Variants in C10orf67 observed in about 807,000 individuals in gnomAD.
C10orf67 encodes the protein chromosome 10 open reading frame 67.
C10orf67 carries 60 observed loss-of-function variants against 35.6 expected under a neutral mutation model. The ratio of observed to expected loss-of-function variants is 1.68; its 90% CI spans 1.37 to 2.09. The LOEUF (loss-of-function observed/expected upper bound fraction) is 2.09. C10orf67 is among the 30% of genes most tolerant of loss of function. The pLI, the probability that C10orf67 is intolerant of heterozygous loss-of-function variation, is 0.00. For missense variants in C10orf67, 474 were observed against 330.2 expected, an observed-to-expected ratio of 1.44 and a Z score of -3.38; for synonymous variants, 167 against 115.8, an observed-to-expected ratio of 1.44 and a Z score of -2.84.
intron 1 of C10orf67, among the ~76,000 whole-genome samples, chr10:23,336,515 T>C (rs1845687107): frequency 6.6e-6 from 1 of 152,170 alleles, no homozygotes; most frequent in South Asian, 2.1e-4. Context: ...TTCTCCTTTT[T>C]GTTTCAGTAT....
At position 23,329,268 on chromosome 10, in the gene C10orf67, A is replaced by T. The variant is rs115951353; in HGVS notation, c.327+3794T>A. On this transcript the variant is annotated intron_variant, in intron 2 of 15. Transcript: ENST00000636213. Reference sequence around the variant, plus strand: ...CATTTAAAAAGGAATATAACTACAGATACAATACTTAAAAATAATAAAAGA... The same window carrying T: ...CATTTAAAAAGGAATATAACTACAGTTACAATACTTAAAAATAATAAAAGA... Among the ~76,000 whole-genome samples the T allele has an allele frequency of 6.4e-3, 981 of 152,130 alleles. 2 individuals are homozygous for T. Among genetic ancestry groups the T allele is most frequent in the African/African-American group, 0.022 (917 of 41,560 alleles).
At chr10:23,224,429 A>G (rs1319925359) in intron 13 of C10orf67, among the ~76,000 whole-genome samples, 3 of 152,236 alleles carry the variant, frequency 2.0e-5, no homozygotes, top group South Asian at 2.1e-4. Flanking sequence ...GGATGGGGAA[A>G]AAACAGAGCA....
At chr10:23,340,174 T>C (rs1383416397) in intron 1 of C10orf67, among the ~76,000 whole-genome samples, 1 of 152,058 alleles carries the variant, frequency 6.6e-6, no homozygotes, top group Non-Finnish European at 1.5e-5. Flanking sequence ...TTTTCAGGTA[T>C]TCCTTCTGGT....
intron 10 of C10orf67, among the ~76,000 whole-genome samples, chr10:23,255,952 C>T (rs1842588888): frequency 6.6e-6 from 1 of 152,122 alleles, no homozygotes; most frequent in Non-Finnish European, 1.5e-5. Context: ...AAATTTTCTT[C>T]TTTTGGCATT....
rs927015232 is a variant in C10orf67, at chr10:23,317,285, C to G, written c.546+3456G>C. ...CTTTGCTTCAAAATCAGAGTGGGTG[C>G]CAGGAGTGAGGAGAGGCCAGGCAGC... On this transcript the variant is annotated intron_variant, in intron 4 of 15. Transcript: ENST00000636213. 3.9e-5 allele frequency: 6 copies of G among 152,478 alleles called. No individual in the cohort carries two copies. In the East Asian group the frequency reaches 9.6e-4, roughly 24 times the overall value. The allele number at this position is 152,478 out of a possible 1,614,324, so 9.4% of individuals were successfully genotyped here. A position where few individuals can be genotyped will look rare whatever the true frequency, so the allele number is the denominator to read the frequency against.
intron 2 of C10orf67, among the ~76,000 whole-genome samples, chr10:23,332,249 G>A (rs1211494197): frequency 2.0e-5 from 3 of 152,302 alleles, no homozygotes; most frequent in African/African-American, 7.2e-5. Context: ...AATATAGAAC[G>A]ACTTCCAAGT....
intron 4 of C10orf67, among the ~76,000 whole-genome samples, chr10:23,315,789 A>T (rs1199147871): frequency 6.6e-6 from 1 of 151,808 alleles, no homozygotes; most frequent in Non-Finnish European, 1.5e-5. Flanking sequence ...TATAAACAAG[A>T]ATAATACCGG....
chr10:23,209,982 A>G (rs193190652), intron 15 of C10orf67, among the ~76,000 whole-genome samples: 170 of 143,508 alleles, frequency 1.2e-3, no homozygotes, highest in Non-Finnish European at 2.1e-3. Flanking sequence ...CTTGGGCAAT[A>G]GAGCCAGACC....
At chr10:23,289,063 G>A (rs1229290579) in intron 7 of C10orf67, among the ~76,000 whole-genome samples, 4 of 152,164 alleles carry the variant, frequency 2.6e-5, no homozygotes, top group African/African-American at 4.8e-5. Flanking sequence ...TGAGAACAGA[G>A]TAGGGAAGCC....
intron 5 of C10orf67, among the ~76,000 whole-genome samples, chr10:23,291,807 T>C (rs935574340): frequency 1.3e-5 from 2 of 152,158 alleles, no homozygotes; most frequent in Non-Finnish European, 2.9e-5. Context: ...GGGAGCCGCA[T>C]GGAGTCCATC....
chr10:23,267,237 C>T lies in C10orf67; in HGVS notation c.993G>A (p.Glu331=), dbSNP rs1050354865. Residue 331 remains glutamate, a synonymous_variant, in exon 9 of 16, where the codon GAG becomes GAA. Transcript: ENST00000636213. ...LVQDVINKQK[E]DKEMRKKYGS... is the part of the protein sequence containing the mutation. The stretch of plus-strand genomic sequence containing the variant: ...CATACTTTTTTCTCATTTCCTTGTC[C>T]TCTTTCTGTTTATTAATCTGTAAAA... The T allele has an allele frequency of 5.6e-6, 4 of 715,780 alleles. No individual in the cohort carries two copies. The highest frequency in any genetic ancestry group is 1.0e-5 in the Non-Finnish European group (4 of 384,652). The allele number at this position is 715,780 out of a possible 1,614,324, so 44.3% of individuals were successfully genotyped here.
chr10:23,203,699 C>A lies in C10orf67; in HGVS notation c.*474G>T, dbSNP rs996421695. On this transcript the variant is annotated 3_prime_UTR_variant, in exon 16 of 16. Coordinates refer to ENST00000636213, the MANE Select transcript of C10orf67 (RefSeq NM_001371909.1). The stretch of plus-strand genomic sequence containing the variant: ...GTGCCGGGGTAAGATAAGAATGAAT[C>A]TTGCTTGAGGAAATGTACGATCTCC... 1 of 152,544 alleles carries A rather than the reference C, an allele frequency of 6.6e-6. No individual in the cohort carries two copies. Among genetic ancestry groups the A allele is most frequent in the Admixed American group, 6.5e-5 (1 of 15,306 alleles). The allele number at this position is 152,544 out of a possible 1,614,324, so 9.4% of individuals were successfully genotyped here.
intron 8 of C10orf67, among the ~76,000 whole-genome samples, chr10:23,276,730 G>A (rs899906430): frequency 6.6e-6 from 1 of 152,054 alleles, no homozygotes; most frequent in Admixed American, 6.6e-5. Context: ...TATTGCCCAT[G>A]GTGAGCAGTT....
chr10:23,203,573 C>G lies in C10orf67; in HGVS notation c.*600G>C, dbSNP rs574492325. 8 of 152,140 alleles carry G rather than the reference C, an allele frequency of 5.3e-5. No individual in the cohort carries two copies. Among genetic ancestry groups the G allele is most frequent in the African/African-American group, 1.9e-4 (8 of 41,416 alleles). The allele number at this position is 152,140 out of a possible 1,614,324, so 9.4% of individuals were successfully genotyped here. A position where few individuals can be genotyped will look rare whatever the true frequency, so the allele number is the denominator to read the frequency against. On this transcript the variant is annotated 3_prime_UTR_variant, in exon 16 of 16. Coordinates refer to ENST00000636213, the MANE Select transcript of C10orf67 (RefSeq NM_001371909.1). ...TGGTAAACGGTGTCTGGCATTCCAG[C>G]AGAATCTTGGTTTGCATCCTTACCA...
rs1841097749 is a variant in C10orf67, at chr10:23,204,254, C to T, written c.1572G>A (p.Gly524=). ...DQAALQLSPK[G]KLSESPKEES... ...CTTCTTTTGGGGATTCCGACAACTT[C>T]CCTAAACGTGAAGAAAGGTGGACAG... The change falls in exon 16 of 16, where the codon GGG becomes GGA. Residue 524 remains glycine, a splice_region_variant and synonymous_variant. Transcript: ENST00000636213. 1 of 641,806 alleles carries T rather than the reference C, an allele frequency of 1.6e-6. No homozygotes were observed. Among genetic ancestry groups the T allele is most frequent in the African/African-American group, 1.9e-5 (1 of 53,866 alleles). 39.8% of individuals were successfully genotyped at this position (641,806 alleles called of 1,614,324 possible).
chr10:23,291,379 C>T, intron 5 of C10orf67, 100 bp from the exon 6 acceptor site: 1 of 608,846 alleles, frequency 1.6e-6, no homozygotes, highest in East Asian at 2.7e-5. Flanking sequence ...ATATAATTTT[C>T]TGAATTCTAT....
intron 8 of C10orf67, among the ~76,000 whole-genome samples, chr10:23,268,373 ATAT>A (rs1842937782): frequency 6.6e-6 from 1 of 152,228 alleles, no homozygotes; most frequent in African/African-American, 2.4e-5. Context: ...TGTTTCCATA[ATAT>A]TAAGATTTTT....
chr10:23,255,458 C>T (rs917167736), intron 10 of C10orf67, among the ~76,000 whole-genome samples: 3 of 152,186 alleles, frequency 2.0e-5, no homozygotes, highest in Non-Finnish European at 2.9e-5. Context: ...AGGCTATATG[C>T]AACTCTCAAG....
At chr10:23,328,567 T>C (rs1031547461) in intron 2 of C10orf67, among the ~76,000 whole-genome samples, 2 of 152,060 alleles carry the variant, frequency 1.3e-5, no homozygotes, top group Admixed American at 6.6e-5. Flanking sequence ...GCTACTGCAC[T>C]AACTCTGGAT....
Sources: allele counts gnomAD v4.1 joint callset (sites outside exome capture counted in the v4.1 genomes callset), GRCh38; gene constraint gnomAD v4.1.1; transcripts MANE v1.5; gene names NCBI Gene and HGNC (gene_info 2026-07-23, HGNC 2026-07-21).